NPTXR: variants seen among roughly 807,000 people sequenced by gnomAD.
The protein encoded by NPTXR is neuronal pentraxin receptor.
NPTXR carries 12 observed loss-of-function variants against 32.2 expected under a neutral mutation model. That is an observed-to-expected ratio of 0.37 (90% CI 0.24 to 0.60). The LOEUF (loss-of-function observed/expected upper bound fraction) is 0.60, where lower values mean the gene tolerates loss of function less well. Ranked by LOEUF, NPTXR falls within the 20% of genes least tolerant of loss-of-function variation. The pLI, the probability that NPTXR is intolerant of heterozygous loss-of-function variation, is 0.66. For missense variants in NPTXR, 612 were observed against 682.9 expected (o/e 0.90, Z 1.16); for synonymous variants, 323 against 315.8 (o/e 1.02, Z -0.24).
intron 1 of NPTXR, among the ~76,000 whole-genome samples, chr22:38,836,685 TATCCATCC>T (rs2146198276): frequency 6.6e-6 from 1 of 152,294 alleles, no homozygotes; most frequent in East Asian, 1.9e-4. Flanking sequence ...TTCACAGGGG[TATCCATCC>T]ACAAATTTTC....
In NPTXR at chr22:38,843,624, C is replaced by T; in HGVS notation, c.235G>A (p.Ala79Thr). The T allele has an allele frequency of 8.8e-7, 1 of 1,133,312 alleles. No individual in the cohort carries two copies. Among genetic ancestry groups the T allele is most frequent in the Admixed American group, 4.9e-5 (1 of 20,244 alleles). The allele number at this position is 1,133,312 out of a possible 1,614,324, so 70.2% of individuals were successfully genotyped here. A position where few individuals can be genotyped will look rare whatever the true frequency, so the allele number is the denominator to read the frequency against. Residue 79 changes from alanine (A) to threonine (T), a missense_variant, in exon 1 of 5, where the codon GCG (alanine) becomes ACG (threonine). Transcript: ENST00000333039. This position sits in a 1 kb window ranked among gnomAD's most constrained non-coding sequence, Gnocchi z 5.3. ...GGCGGCAGCGGGTGCGCGCTGGCCG[C>T]GGGTGCCCCGGGCAGCGCGGGGGGC...
chr22:38,838,330 G>A (rs927419338), intron 1 of NPTXR, among the ~76,000 whole-genome samples: 5 of 152,070 alleles, frequency 3.3e-5, no homozygotes, highest in Admixed American at 6.6e-5. Context: ...AGATGGGAAT[G>A]CGTTCAGCCT....
chr22:38,826,759 C>T lies in NPTXR; in HGVS notation c.851-12G>A. ...GTAGGCTGAGGACCCTGAGGGTGGGCAAGGCAGACATGGTGGAGGTCGGTG... is the reference window on the plus strand; with the variant it reads ...GTAGGCTGAGGACCCTGAGGGTGGGTAAGGCAGACATGGTGGAGGTCGGTG... On this transcript the variant is annotated splice_polypyrimidine_tract_variant and intron_variant, in intron 2 of 4. Transcript: ENST00000333039. 2 of 1,606,720 alleles carry T rather than the reference C, an allele frequency of 1.2e-6. No individual in the cohort carries two copies. The highest frequency in any genetic ancestry group is 1.7e-6 in the Non-Finnish European group (2 of 1,174,928).
chr22:38,825,570 A>G (rs1390381292), intron 3 of NPTXR, among the ~76,000 whole-genome samples: 1 of 152,172 alleles, frequency 6.6e-6, no homozygotes, highest in Non-Finnish European at 1.5e-5. Context: ...AAGAGACAAG[A>G]GTTCTTATCA....
At chr22:38,829,776 G>A (rs1393340404) in intron 1 of NPTXR, among the ~76,000 whole-genome samples, 1 of 152,240 alleles carries the variant, frequency 6.6e-6, no homozygotes, top group Non-Finnish European at 1.5e-5. Flanking sequence ...TGCCCCAGAT[G>A]CTGAAGTTGT....
chr22:38,840,119 G>A (rs1252663125), intron 1 of NPTXR, among the ~76,000 whole-genome samples: 1 of 152,170 alleles, frequency 6.6e-6, no homozygotes, highest in African/African-American at 2.4e-5. Context: ...TTGGGGAGAG[G>A]ACAGGCCAAT....
intron 1 of NPTXR, among the ~76,000 whole-genome samples, chr22:38,841,015 C>T (rs1443278698): frequency 6.6e-6 from 1 of 152,192 alleles, no homozygotes; most frequent in Non-Finnish European, 1.5e-5. Flanking sequence ...GCAAGAGCAC[C>T]TTCAGTGTAT....
chr22:38,822,935 C>A (rs377495163), intron 4 of NPTXR, 102 bp from the exon 5 acceptor site: 1 of 1,422,538 alleles, frequency 7.0e-7, no homozygotes, highest in South Asian at 1.2e-5. Flanking sequence ...GGCAGCCCCA[C>A]CTTCAACCCC....
intron 1 of NPTXR, among the ~76,000 whole-genome samples, chr22:38,832,980 G>T (rs1182572177): frequency 2.0e-5 from 3 of 152,202 alleles, no homozygotes; most frequent in Non-Finnish European, 2.9e-5. Flanking sequence ...AGGCTGGGAG[G>T]ATGCAGGGAA....
intron 1 of NPTXR, among the ~76,000 whole-genome samples, chr22:38,836,194 T>C (rs568216140): frequency 1.3e-5 from 2 of 152,244 alleles, no homozygotes; most frequent in South Asian, 2.1e-4. Flanking sequence ...TCTCAGCTAC[T>C]GTGGGGAAAT....
At chr22:38,824,862 A>G (rs2093103904) in intron 3 of NPTXR, among the ~76,000 whole-genome samples, 1 of 151,906 alleles carries the variant, frequency 6.6e-6, no homozygotes, top group African/African-American at 2.4e-5. Flanking sequence ...TGGTCCCTGG[A>G]CTCATCTCCT....
chr22:38,822,487 AG>A lies in NPTXR; in HGVS notation c.*121del. 2 of 802,714 alleles carry A rather than the reference AG, an allele frequency of 2.5e-6. No homozygotes were observed. Among genetic ancestry groups the A allele is most frequent in the Non-Finnish European group, 4.1e-6 (2 of 489,178 alleles). 49.7% of individuals were successfully genotyped at this position (802,714 alleles called of 1,614,324 possible). On this transcript the variant is annotated 3_prime_UTR_variant, in exon 5 of 5. Transcript: ENST00000333039. ...GTGGGTACAGGTGAGGGGAAATGGGAGGCACAGCCAGGAGTGGGGCAGGAGG... is the reference window on the plus strand; with the variant it reads ...GTGGGTACAGGTGAGGGGAAATGGGAGCACAGCCAGGAGTGGGGCAGGAGG...
Position 38,843,325 on chromosome 22 carries a change from G to T in NPTXR, c.534C>A (p.Thr178=), listed in dbSNP as rs1015618147. Residue 178 remains threonine (T), a synonymous_variant, in exon 1 of 5, where the codon ACC becomes ACA. Coordinates refer to ENST00000333039, the MANE Select transcript of NPTXR (RefSeq NM_014293.4). This position sits in a 1 kb window ranked among gnomAD's most constrained non-coding sequence, Gnocchi z 5.3. ...GCGAGTCCCAGGGCCCGTCGGCCAT[G>T]GTGTCGCGGCGGGGCCCGGCGCCCT... The T allele has an allele frequency of 1.4e-6, 2 of 1,421,850 alleles. No individual in the cohort carries two copies. The highest frequency in any genetic ancestry group is 6.4e-5 in the Admixed American group (2 of 31,444). 88.1% of individuals were successfully genotyped at this position (1,421,850 alleles called of 1,614,324 possible).
Position 38,843,333 on chromosome 22 carries a change from G to T in NPTXR, c.526C>A (p.Arg176Ser), listed in dbSNP as rs1165611245. Residue 176 changes from arginine (R) to serine (S), a missense_variant, in exon 1 of 5, where the codon CGC becomes AGC. Coordinates refer to ENST00000333039, the MANE Select transcript of NPTXR (RefSeq NM_014293.4). This position sits in a 1 kb window ranked among gnomAD's most constrained non-coding sequence, Gnocchi z 5.3. ...CAGGGCCCGTCGGCCATGGTGTCGC[G>T]GCGGGGCCCGGCGCCCTGGAGGCCG... The T allele has an allele frequency of 1.4e-6, 2 of 1,414,986 alleles. No individual in the cohort carries two copies. Among genetic ancestry groups the T allele is most frequent in the Admixed American group, 6.5e-5 (2 of 30,896 alleles). 87.7% of individuals were successfully genotyped at this position (1,414,986 alleles called of 1,614,324 possible). A position where few individuals can be genotyped will look rare whatever the true frequency, so the allele number is the denominator to read the frequency against.
intron 3 of NPTXR, among the ~76,000 whole-genome samples, chr22:38,825,840 CTTTTT>C (rs11364544): frequency 1.0e-4 from 12 of 115,468 alleles, no homozygotes; most frequent in African/African-American, 1.7e-4. Flanking sequence ...CTCTCTCTCT[CTTTTT>C]TTTTTTTTTT....
chr22:38,825,487 T>C (rs897926281), intron 3 of NPTXR, among the ~76,000 whole-genome samples: 1 of 152,194 alleles, frequency 6.6e-6, no homozygotes. Flanking sequence ...CTCACAGTTA[T>C]TGATGTCTGC....
intron 3 of NPTXR, among the ~76,000 whole-genome samples, chr22:38,823,910 A>C (rs990053494): frequency 6.6e-6 from 1 of 152,170 alleles, no homozygotes; most frequent in Non-Finnish European, 1.5e-5. Flanking sequence ...GGCCTGTAAG[A>C]TGAAAGGTGC....
chr22:38,837,357 C>G (rs1328237870), intron 1 of NPTXR, among the ~76,000 whole-genome samples: 1 of 152,206 alleles, frequency 6.6e-6, no homozygotes, highest in Non-Finnish European at 1.5e-5. Context: ...AGCAGAAGCC[C>G]TCTCTCCACA....
chr22:38,828,716 C>T (rs746062651), intron 1 of NPTXR, among the ~76,000 whole-genome samples: 9 of 152,378 alleles, frequency 5.9e-5, no homozygotes, highest in South Asian at 2.1e-4. Context: ...TGGCACATGA[C>T]GGCGAGCAGC....
Sources: allele counts gnomAD v4.1 joint callset (sites outside exome capture counted in the v4.1 genomes callset), GRCh38; gene constraint gnomAD v4.1.1; non-coding constraint Gnocchi (gnomAD v3.1); transcripts MANE v1.5; gene names NCBI Gene and HGNC (gene_info 2026-07-23, HGNC 2026-07-21).